Variants in CLCA2 observed in about 807,000 individuals in gnomAD.
CLCA2 encodes the protein calcium-activated chloride channel regulator 2.
CLCA2 carries 85 observed loss-of-function variants against 82.9 expected under a neutral mutation model. That is an observed-to-expected ratio of 1.03 (90% CI 0.86 to 1.23). The LOEUF (loss-of-function observed/expected upper bound fraction) is 1.23. CLCA2 is among the 50% of genes most tolerant of loss of function. The pLI, the probability that CLCA2 is intolerant of heterozygous loss-of-function variation, is 0.00. For missense variants in CLCA2, 1,089 were observed against 1,124.8 expected, an observed-to-expected ratio of 0.97 and a Z score of 0.45; for synonymous variants, 421 against 391.7, an observed-to-expected ratio of 1.07 and a Z score of -0.88.
chr1:86,430,279 T>C (rs187192788), intron 3 of CLCA2, among the ~76,000 whole-genome samples: 513 of 152,158 alleles, frequency 3.4e-3, no homozygotes, highest in Non-Finnish European at 6.1e-3. Context: ...CACATAAACA[T>C]GGAGAATAAG....
In CLCA2 at chr1:86,455,461, G is replaced by A; in HGVS notation, c.2766G>A (p.Val922=). 1 of 1,555,232 alleles carries A rather than the reference G, an allele frequency of 6.4e-7. No individual in the cohort carries two copies. The highest frequency in any genetic ancestry group is 8.7e-7 in the Non-Finnish European group (1 of 1,154,908). The part of the protein sequence containing the change: ...LIGIICLIIV[V]THHTLSRKKR... ...GAATCATTTGCCTTATTATAGTTGT[G>A]ACACATCATACTTTAAGCAGGAAAA... is the stretch of plus-strand genomic sequence containing the variant. The change falls in exon 14 of 14, where the codon GTG becomes GTA. Residue 922 remains valine, a synonymous_variant. Transcript: ENST00000370565.
At chr1:86,451,609 G>T (rs113111568) in intron 12 of CLCA2, among the ~76,000 whole-genome samples, 2 of 151,842 alleles carry the variant, frequency 1.3e-5, no homozygotes, top group Admixed American at 1.3e-4. Context: ...TTTTTATCAG[G>T]CTCTTTTTCC....
Position 86,439,224 on chromosome 1 carries a change from A to G in CLCA2, c.1203+118A>G, listed in dbSNP as rs1029265700. ...CAGGGTGGTCATAACAGCCTCAACT[A>G]TGAAAGTAATGATGGATTATCTTTC... On this transcript the variant is annotated intron_variant, in intron 7 of 13. Coordinates refer to ENST00000370565, the MANE Select transcript of CLCA2 (RefSeq NM_006536.7). 25 of 790,494 alleles carry G rather than the reference A, an allele frequency of 3.2e-5. No homozygotes were observed. In the African/African-American group the frequency reaches 3.6e-4, roughly 12 times the overall value. The allele number at this position is 790,494 out of a possible 1,614,324, so 49.0% of individuals were successfully genotyped here.
chr1:86,444,793 G>A (rs1299542320), intron 10 of CLCA2, among the ~76,000 whole-genome samples: 1 of 152,166 alleles, frequency 6.6e-6, no homozygotes, highest in Non-Finnish European at 1.5e-5. Flanking sequence ...AACCACTGAT[G>A]GTTCTAAGGA....
chr1:86,453,428 TG>T lies in CLCA2; in HGVS notation c.2219del (p.Gly740AlafsTer36). On this transcript the variant is annotated frameshift_variant, in exon 13 of 14. Transcript: ENST00000370565. LOFTEE classifies it high-confidence loss of function. The part of the protein sequence containing the change: ...SVGRNEEERK[W>X]GFSRVSSGGS... ...AGGCAGAAATGAGGAGGAGCGAAAG[TG>T]GGGCTTTAGCCGAGTCAGCTCAGGA... 6.2e-7 allele frequency: 1 copy of T among 1,614,066 alleles called. No homozygotes were observed. The highest frequency in any genetic ancestry group is 8.5e-7 in the Non-Finnish European group (1 of 1,180,006).
chr1:86,455,982 T>A lies in CLCA2; in HGVS notation c.*455T>A, dbSNP rs185280064. ...TGAAGATCATGCTATATTTTATATATGAAGCCCCTAATGCAAAGCTCTTTA... is the reference window on the plus strand; with the variant it reads ...TGAAGATCATGCTATATTTTATATAAGAAGCCCCTAATGCAAAGCTCTTTA... On this transcript the variant is annotated 3_prime_UTR_variant, in exon 14 of 14. Coordinates refer to ENST00000370565, the MANE Select transcript of CLCA2 (RefSeq NM_006536.7). The A allele has an allele frequency of 6.6e-6, 1 of 152,394 alleles. No homozygotes were observed. The highest frequency in any genetic ancestry group is 1.5e-5 in the Non-Finnish European group (1 of 68,070). 9.4% of individuals were successfully genotyped at this position (152,394 alleles called of 1,614,324 possible).
chr1:86,450,502 C>T, intron 11 of CLCA2, 61 bp from the exon 12 acceptor site: 1 of 1,329,190 alleles, frequency 7.5e-7, no homozygotes, highest in Non-Finnish European at 1.0e-6. Flanking sequence ...TTTTTAATGA[C>T]TTAAATATTA....
intron 10 of CLCA2, chr1:86,445,270 T>A (rs1221566938): frequency 1.3e-5 from 2 of 150,452 alleles, no homozygotes; most frequent in African/African-American, 2.4e-5. Flanking sequence ...TTTACCTCTA[T>A]AAAAGCGATC....
chr1:86,437,497 G>A (rs1461925241), intron 6 of CLCA2, among the ~76,000 whole-genome samples: 1 of 152,202 alleles, frequency 6.6e-6, no homozygotes, highest in East Asian at 1.9e-4. Flanking sequence ...CTAGGCGCTT[G>A]CTAGGTTGGG....
intron 13 of CLCA2, among the ~76,000 whole-genome samples, chr1:86,454,435 A>C (rs1205706801): frequency 6.6e-6 from 1 of 152,158 alleles, no homozygotes; most frequent in Admixed American, 6.5e-5. Context: ...TTGATTGCTT[A>C]ATTTCCATAT....
intron 2 of CLCA2, among the ~76,000 whole-genome samples, chr1:86,428,065 A>G (rs1396023006): frequency 6.6e-6 from 1 of 152,174 alleles, no homozygotes; most frequent in Non-Finnish European, 1.5e-5. Flanking sequence ...ATTGCATTTT[A>G]TAGTGTTTTG....
Position 86,430,901 on chromosome 1 carries a change from G to A in CLCA2, c.515G>A (p.Gly172Asp), listed in dbSNP as rs1387083715. ...FVHEWAHLRW[G>D]VFDEYNNDKP... ...CATGAATGGGCCCACCTCCGTTGGG[G>A]TGTGTTCGATGAGTATAACAATGAC... The change falls in exon 4 of 14, where the codon GGT becomes GAT. Residue 172 changes from glycine (G) to aspartate (D), a missense_variant. By Grantham distance (94) the Gly-to-Asp change is moderately conservative. Coordinates refer to ENST00000370565, the MANE Select transcript of CLCA2 (RefSeq NM_006536.7). The A allele has an allele frequency of 1.9e-6, 3 of 1,613,826 alleles. No homozygotes were observed. The highest frequency in any genetic ancestry group is 2.2e-5 in the East Asian group (1 of 44,864).
chr1:86,450,698 G>A lies in CLCA2; in HGVS notation c.2120G>A (p.Ser707Asn). 6.2e-7 allele frequency: 1 copy of A among 1,611,988 alleles called. No individual in the cohort carries two copies. Among genetic ancestry groups the A allele is most frequent in the Non-Finnish European group, 8.5e-7 (1 of 1,178,792 alleles). The change falls in exon 12 of 14, where the codon AGT becomes AAT. Residue 707 changes from serine (S) to asparagine (N), a missense_variant. Physicochemically the swap from Ser to Asn is conservative, Grantham distance 46 (BLOSUM62 1). Coordinates refer to ENST00000370565, the MANE Select transcript of CLCA2 (RefSeq NM_006536.7). ...ISTPAHSIPGSHAMYVPGYTA... is the reference protein window; with the variant it reads ...ISTPAHSIPGNHAMYVPGYTA... ...ACCCCAGCCCACTCTATTCCAGGGA[G>A]TCATGCTATGTATGTACCAGGTTAC... is the stretch of plus-strand genomic sequence containing the variant.
At chr1:86,444,237 T>C (rs1662802975) in intron 10 of CLCA2, among the ~76,000 whole-genome samples, 1 of 152,200 alleles carries the variant, frequency 6.6e-6, no homozygotes, top group Non-Finnish European at 1.5e-5. Context: ...ACACTGAAAA[T>C]TAGTATTTCC....
rs1180016791 is a variant in CLCA2, at chr1:86,443,670, C to A, written c.1489-117C>A. ...TGAAAAATGATGTATAACTACAGTA[C>A]CTGTCAGAATTAAATTATTTTTATT... On this transcript the variant is annotated intron_variant, in intron 9 of 13. Transcript: ENST00000370565. 4 of 745,312 alleles carry A rather than the reference C, an allele frequency of 5.4e-6. No homozygotes were observed. In the African/African-American group the frequency reaches 5.4e-5, roughly 10 times the overall value. 46.2% of individuals were successfully genotyped at this position (745,312 alleles called of 1,614,324 possible). A position where few individuals can be genotyped will look rare whatever the true frequency, so the allele number is the denominator to read the frequency against.
intron 2 of CLCA2, among the ~76,000 whole-genome samples, chr1:86,427,354 TG>T (rs1662407798): frequency 1.3e-5 from 2 of 152,280 alleles, no homozygotes; most frequent in South Asian, 4.2e-4. Context: ...CAGCCTTTTT[TG>T]TAGGTACTTC....
At chr1:86,447,391 A>T (rs12752909) in intron 10 of CLCA2, 117 bp from the exon 11 acceptor site, 4 of 1,051,292 alleles carry the variant, frequency 3.8e-6, no homozygotes, top group East Asian at 2.4e-5. Context: ...GTAGTATTTT[A>T]AAAAGTGCAA....
intron 9 of CLCA2, among the ~76,000 whole-genome samples, chr1:86,443,227 C>T (rs1316634072): frequency 6.6e-6 from 1 of 152,108 alleles, no homozygotes. Flanking sequence ...AAGGGTTTCA[C>T]CATGTTGGCC....
chr1:86,444,804 G>C (rs563125872), intron 10 of CLCA2, among the ~76,000 whole-genome samples: 1 of 152,296 alleles, frequency 6.6e-6, no homozygotes, highest in South Asian at 2.1e-4. Context: ...GTTCTAAGGA[G>C]AACTGTAAGT....
Sources: allele counts gnomAD v4.1 joint callset (sites outside exome capture counted in the v4.1 genomes callset), GRCh38; gene constraint gnomAD v4.1.1; transcripts MANE v1.5; gene names NCBI Gene and HGNC (gene_info 2026-07-23, HGNC 2026-07-21).